Variants in FAM174A observed in about 807,000 individuals in gnomAD.
FAM174A encodes membrane protein FAM174A.
In FAM174A, 14 loss-of-function variants were observed where a neutral mutation model predicts 14.3. That is an observed-to-expected ratio of 0.98 (90% CI 0.65 to 1.53). The LOEUF (loss-of-function observed/expected upper bound fraction) is 1.53, where lower values mean the gene tolerates loss of function less well. FAM174A is among the 40% of genes most tolerant of loss of function. The pLI, the probability that FAM174A is intolerant of heterozygous loss-of-function variation, is 0.00. For synonymous variants in FAM174A, 108 were observed against 111.4 expected (o/e 0.97, Z 0.19); for missense variants, 241 against 249.6 (o/e 0.97, Z 0.23).
intron 1 of FAM174A, among the ~76,000 whole-genome samples, chr5:100,543,699 C>T (rs1214072110): frequency 1.3e-5 from 2 of 152,170 alleles, no homozygotes; most frequent in East Asian, 1.9e-4. Flanking sequence ...AGACGATTCT[C>T]CTGCCTCAGC....
intron 2 of FAM174A, among the ~76,000 whole-genome samples, chr5:100,578,649 T>A (rs1389197630): frequency 1.3e-5 from 2 of 152,224 alleles, no homozygotes; most frequent in African/African-American, 2.4e-5. Flanking sequence ...TTTCTTTTTT[T>A]AATATTTTTT....
At chr5:100,542,765 G>T (rs1265837016) in intron 1 of FAM174A, among the ~76,000 whole-genome samples, 1 of 152,142 alleles carries the variant, frequency 6.6e-6, no homozygotes, top group Non-Finnish European at 1.5e-5. Flanking sequence ...AGGCCAAGGT[G>T]GGAGGATCTC....
At chr5:100,545,026 G>A (rs77492977) in intron 1 of FAM174A, among the ~76,000 whole-genome samples, 112 of 152,296 alleles carry the variant, frequency 7.4e-4, no homozygotes, top group African/African-American at 2.6e-3. Flanking sequence ...CCTGCCAGTT[G>A]TTAAATAGCT....
At chr5:100,557,879 A>C (rs1401465943) in intron 1 of FAM174A, among the ~76,000 whole-genome samples, 9 of 152,036 alleles carry the variant, frequency 5.9e-5, no homozygotes, top group Non-Finnish European at 1.3e-4. Flanking sequence ...TGATCTTTTC[A>C]AAAAACCAGC....
At chr5:100,568,405 T>C (rs1373595209) in intron 2 of FAM174A, among the ~76,000 whole-genome samples, 1 of 151,944 alleles carries the variant, frequency 6.6e-6, no homozygotes, top group East Asian at 1.9e-4. Flanking sequence ...TCTTTGCAAC[T>C]GGGTTGACTT....
intron 2 of FAM174A, among the ~76,000 whole-genome samples, chr5:100,578,008 C>T (rs965530258): frequency 6.6e-6 from 1 of 152,058 alleles, no homozygotes; most frequent in Non-Finnish European, 1.5e-5. Flanking sequence ...GTGTAGGATA[C>T]AGCATAGCGC....
At chr5:100,542,892 G>A (rs1008601426) in intron 1 of FAM174A, among the ~76,000 whole-genome samples, 12 of 151,584 alleles carry the variant, frequency 7.9e-5, no homozygotes, top group Non-Finnish European at 1.5e-5. Flanking sequence ...TGTGTAGGGG[G>A]TATATGTGTG....
rs1746296205 is a variant in FAM174A at position 100,553,068 on chromosome 5, ATG to A, written c.435-8978_435-8977del. 8.5e-5 allele frequency among the ~76,000 whole-genome samples: 13 copies of A among 152,082 alleles called. No individual in the cohort carries two copies. In the South Asian group the frequency reaches 2.7e-3, roughly 31 times the overall value. On this transcript the variant is annotated intron_variant, in intron 1 of 2. Transcript: ENST00000312637. ...AGTGCATATCTTTGTCTATATCTAC[ATG>A]TGTGTGTATAATATATATGTAATTG...
intron 2 of FAM174A, among the ~76,000 whole-genome samples, chr5:100,576,667 C>T (rs1048997427): frequency 1.3e-5 from 2 of 152,060 alleles, no homozygotes; most frequent in African/African-American, 2.4e-5. Context: ...CACCGTTCCA[C>T]CAACTGTGTC....
At chr5:100,557,116 C>A (rs1323111704) in intron 1 of FAM174A, among the ~76,000 whole-genome samples, 2 of 152,124 alleles carry the variant, frequency 1.3e-5, no homozygotes, top group Non-Finnish European at 2.9e-5. Context: ...AGAAACGTCC[C>A]ATCAGTACCT....
chr5:100,550,916 G>A (rs932070253), intron 1 of FAM174A, among the ~76,000 whole-genome samples: 5 of 152,014 alleles, frequency 3.3e-5, no homozygotes, highest in Non-Finnish European at 5.9e-5. Flanking sequence ...GTGGAATGTG[G>A]AGCAAAGAAC....
chr5:100,565,093 A>G (rs1746614098), intron 2 of FAM174A, among the ~76,000 whole-genome samples: 1 of 133,714 alleles, frequency 7.5e-6, no homozygotes, highest in Admixed American at 8.0e-5. Context: ...CCTGATGAAC[A>G]TGATACAAAA....
intron 1 of FAM174A, among the ~76,000 whole-genome samples, chr5:100,548,044 T>C (rs924730480): frequency 2.0e-5 from 3 of 152,110 alleles, no homozygotes; most frequent in Non-Finnish European, 4.4e-5. Flanking sequence ...TATGCTTTTG[T>C]TTTGTTTTAT....
chr5:100,585,189 A>G (rs1267517311), intron 2 of FAM174A, among the ~76,000 whole-genome samples: 2 of 152,200 alleles, frequency 1.3e-5, no homozygotes, highest in Admixed American at 1.3e-4. Flanking sequence ...ACTATGTACT[A>G]TAGTTAATTT....
At chr5:100,537,904 A>G (rs1237513689) in intron 1 of FAM174A, among the ~76,000 whole-genome samples, 1 of 152,028 alleles carries the variant, frequency 6.6e-6, no homozygotes, top group Non-Finnish European at 1.5e-5. Context: ...CCACCTTTTT[A>G]ATTATTTTAA....
chr5:100,548,889 A>G (rs186710705), intron 1 of FAM174A, among the ~76,000 whole-genome samples: 2 of 152,200 alleles, frequency 1.3e-5, no homozygotes, highest in East Asian at 1.9e-4. Flanking sequence ...TATTAATACT[A>G]TCACTATTTT....
chr5:100,570,573 A>G (rs1018896820), intron 2 of FAM174A, among the ~76,000 whole-genome samples: 3 of 151,892 alleles, frequency 2.0e-5, no homozygotes, highest in African/African-American at 7.2e-5. Context: ...TAGGAACTTG[A>G]CCAAGGATTT....
At chr5:100,546,095 A>C (rs1012261153) in intron 1 of FAM174A, among the ~76,000 whole-genome samples, 1 of 152,234 alleles carries the variant, frequency 6.6e-6, no homozygotes, top group African/African-American at 2.4e-5. Context: ...AAATGACTTA[A>C]TACAATAAAA....
rs1398658938 is a variant in FAM174A at position 100,535,873 on chromosome 5, C to T, written c.343C>T (p.Pro115Ser). The part of the protein sequence containing the change: ...VGGGLAVSPN[P>S]GDKPMTQRAL... Reference sequence around the variant, plus strand: ...TGGCGGCCTTGCTGTGAGCCCCAACCCTGGCGACAAGCCCATGACCCAGCG... The same window carrying T: ...TGGCGGCCTTGCTGTGAGCCCCAACTCTGGCGACAAGCCCATGACCCAGCG... Residue 115 changes from proline (P) to serine (S), a missense_variant, in exon 1 of 3, where the codon CCT (proline) becomes TCT (serine). Pro to Ser is a moderately conservative substitution (Grantham distance 74). Transcript: ENST00000312637. 1 of 1,613,128 alleles carries T rather than the reference C, an allele frequency of 6.2e-7. No homozygotes were observed. The highest frequency in any genetic ancestry group is 1.1e-5 in the South Asian group (1 of 91,076).
Sources: allele counts gnomAD v4.1 joint callset (sites outside exome capture counted in the v4.1 genomes callset), GRCh38; gene constraint gnomAD v4.1.1; transcripts MANE v1.5; gene names NCBI Gene and HGNC (gene_info 2026-07-23, HGNC 2026-07-21).